PRKN: variants seen among roughly 807,000 people sequenced by gnomAD.
The protein encoded by PRKN is E3 ubiquitin-protein ligase parkin.
PRKN carries 56 observed loss-of-function variants against 59.5 expected under a neutral mutation model. The ratio of observed to expected loss-of-function variants is 0.94; its 90% CI spans 0.76 to 1.18. The LOEUF is 1.18. PRKN is among the 50% of genes most tolerant of loss of function. The pLI is 0.00. For missense variants in PRKN, 657 were observed against 596.4 expected, an observed-to-expected ratio of 1.10 and a Z score of -1.06; for synonymous variants, 250 against 222.1, an observed-to-expected ratio of 1.13 and a Z score of -1.12.
At chr6:161,944,097 TCAGCCTGAGGAATCAGCCTGAGGGAC>T (rs1368018738) in intron 6 of PRKN, among the ~76,000 whole-genome samples, 8 of 134,860 alleles carry the variant, frequency 5.9e-5, no homozygotes, top group African/African-American at 2.2e-4. Flanking sequence ...GCCTGAGGGA[TCAGCCTGAGGAATCAGCCTGAGGGAC>T]CAGCCTGAGG....
chr6:161,427,962 A>C (rs202182273), intron 9 of PRKN, among the ~76,000 whole-genome samples: 1 of 152,236 alleles, frequency 6.6e-6, no homozygotes, highest in South Asian at 2.1e-4. Flanking sequence ...AGCACTGGAG[A>C]GAAGCTTTGG....
intron 2 of PRKN, among the ~76,000 whole-genome samples, chr6:162,285,439 A>G (rs926154782): frequency 5.9e-5 from 9 of 151,976 alleles, no homozygotes; most frequent in Non-Finnish European, 1.2e-4. Flanking sequence ...GTGTTGTATC[A>G]AAGAAATAAA....
intron 7 of PRKN, among the ~76,000 whole-genome samples, chr6:161,655,280 C>T (rs953936937): frequency 5.3e-5 from 8 of 151,468 alleles, no homozygotes; most frequent in Admixed American, 3.9e-4. Context: ...TAGCATGGGC[C>T]TGGCCCCTCA....
In PRKN at chr6:161,419,724, C is replaced by T. The variant is rs537689777; in HGVS notation, c.1084-32847G>A. 9.3e-4 allele frequency among the ~76,000 whole-genome samples: 141 copies of T among 152,042 alleles called. 2 individuals carry two copies. Among genetic ancestry groups the T allele is most frequent in the African/African-American group, 3.4e-3 (141 of 41,452 alleles). On this transcript the variant is annotated intron_variant, in intron 9 of 11. Coordinates refer to ENST00000366898, the MANE Select transcript of PRKN (RefSeq NM_004562.3). This position sits in a 1 kb window ranked among gnomAD's most constrained non-coding sequence, Gnocchi z 4.1. ...TTGTAAGGGAAATAATTAGATTCTG[C>T]TTGTGTTGAATAATTCTAGCCAGGC...
intron 2 of PRKN, among the ~76,000 whole-genome samples, chr6:162,312,597 CAG>C (rs1562661675): frequency 1.3e-5 from 2 of 152,122 alleles, no homozygotes; most frequent in African/African-American, 4.8e-5. Context: ...TGTGGGATGA[CAG>C]GGGATAACAC....
chr6:161,630,921 G>C (rs1260650162), intron 7 of PRKN, among the ~76,000 whole-genome samples: 1 of 152,246 alleles, frequency 6.6e-6, no homozygotes, highest in Non-Finnish European at 1.5e-5. Flanking sequence ...CAAAATGTTA[G>C]TCACAGATAA....
intron 7 of PRKN, among the ~76,000 whole-genome samples, chr6:161,619,066 C>G (rs921012578): frequency 9.2e-5 from 14 of 152,002 alleles, no homozygotes; most frequent in Non-Finnish European, 1.6e-4. Context: ...CCTGGCAGAG[C>G]CTGAAGTGGT....
chr6:161,778,200 G>A (rs1207812520), intron 7 of PRKN, among the ~76,000 whole-genome samples: 1 of 152,008 alleles, frequency 6.6e-6, no homozygotes, highest in African/African-American at 2.4e-5. Flanking sequence ...CCAGCAGGAG[G>A]AGTCATTCCA....
Position 161,480,557 on chromosome 6 carries a change from T to C in PRKN, c.1083+68297A>G, listed in dbSNP as rs995838441. On this transcript the variant is annotated intron_variant, in intron 9 of 11. Transcript: ENST00000366898. This position sits in a 1 kb window ranked among gnomAD's most constrained non-coding sequence, Gnocchi z 4.1. ...TAATAACACTGCGATGATGGGTCTT[T>C]TGTGCATTCCTGGTTCTGGGCTTTG... is the stretch of plus-strand genomic sequence containing the variant. Among the ~76,000 whole-genome samples the C allele has an allele frequency of 9.2e-5, 14 of 152,224 alleles. No homozygotes were observed. The highest frequency in any genetic ancestry group is 1.9e-4 in the Non-Finnish European group (13 of 68,022).
chr6:162,304,322 T>C (rs1782113985), intron 2 of PRKN, among the ~76,000 whole-genome samples: 1 of 150,862 alleles, frequency 6.6e-6, no homozygotes, highest in African/African-American at 2.4e-5. Flanking sequence ...AACTTCACTG[T>C]AGTAAACTTT....
At chr6:162,430,140 C>T (rs1490266005) in intron 2 of PRKN, among the ~76,000 whole-genome samples, 1 of 148,514 alleles carries the variant, frequency 6.7e-6, no homozygotes, top group Non-Finnish European at 1.5e-5. Flanking sequence ...GGATGCAGCA[C>T]TTTGATGATG....
chr6:161,410,810 G>T lies in PRKN; in HGVS notation c.1084-23933C>A, dbSNP rs1787503782. On this transcript the variant is annotated intron_variant, in intron 9 of 11. Coordinates refer to ENST00000366898, the MANE Select transcript of PRKN (RefSeq NM_004562.3). This position sits in a 1 kb window ranked among gnomAD's most constrained non-coding sequence, Gnocchi z 5.3. ...TTGATGGCAGCAGCCTCAGGTATGGGCAGAACGTTGAATCCTCAGAATGAT... is the reference window on the plus strand; with the variant it reads ...TTGATGGCAGCAGCCTCAGGTATGGTCAGAACGTTGAATCCTCAGAATGAT... Among the ~76,000 whole-genome samples the T allele has an allele frequency of 6.6e-6, 1 of 152,078 alleles. No homozygotes were observed. Among genetic ancestry groups the T allele is most frequent in the Non-Finnish European group, 1.5e-5 (1 of 68,016 alleles).
In PRKN at chr6:162,429,961, T is replaced by C. The variant is rs544015946; in HGVS notation, c.171+13349A>G. ...GTTTAGTCACAGCAAATAATTGTAA[T>C]TCTAAAGTAGTGCCAGACCTTTGCA... On this transcript the variant is annotated intron_variant, in intron 2 of 11. Coordinates refer to ENST00000366898, the MANE Select transcript of PRKN (RefSeq NM_004562.3). Among the ~76,000 whole-genome samples the C allele has an allele frequency of 5.3e-5, 8 of 152,316 alleles. No individual in the cohort carries two copies. In the Middle Eastern group the frequency reaches 0.01, roughly 194 times the overall value.
intron 6 of PRKN, among the ~76,000 whole-genome samples, chr6:161,874,348 A>C (rs1204357983): frequency 1.2e-5 from 1 of 81,684 alleles, no homozygotes; most frequent in African/African-American, 5.0e-5. Context: ...TATTATATAT[A>C]AAATATATAT....
intron 1 of PRKN, among the ~76,000 whole-genome samples, chr6:162,692,155 TAAAAAA>T (rs11311324): frequency 7.4e-6 from 1 of 135,058 alleles, no homozygotes; most frequent in African/African-American, 3.0e-5. Context: ...TAAAGTATAA[TAAAAAA>T]AAAAGATTAG....
chr6:161,688,381 G>T (rs1238358624), intron 7 of PRKN, among the ~76,000 whole-genome samples: 1 of 152,196 alleles, frequency 6.6e-6, no homozygotes, highest in Non-Finnish European at 1.5e-5. Flanking sequence ...CCCAAAACAT[G>T]GGGAAGAGCC....
At chr6:162,131,360 G>T (rs541873506) in intron 4 of PRKN, among the ~76,000 whole-genome samples, 1 of 152,162 alleles carries the variant, frequency 6.6e-6, no homozygotes, top group East Asian at 1.9e-4. Context: ...AATTTTAGTT[G>T]TATAATGTTC....
intron 7 of PRKN, among the ~76,000 whole-genome samples, chr6:161,638,583 T>A (rs1377955360): frequency 6.6e-6 from 1 of 152,112 alleles, no homozygotes; most frequent in African/African-American, 2.4e-5. Context: ...CCTAGTAATA[T>A]GGTTTGACTA....
At chr6:161,713,649 C>T (rs761430084) in intron 7 of PRKN, among the ~76,000 whole-genome samples, 1 of 152,130 alleles carries the variant, frequency 6.6e-6, no homozygotes, top group Non-Finnish European at 1.5e-5. Flanking sequence ...TCAACTGTTC[C>T]TTGTACGACC....
Sources: allele counts gnomAD v4.1 joint callset (sites outside exome capture counted in the v4.1 genomes callset), GRCh38; gene constraint gnomAD v4.1.1; non-coding constraint Gnocchi (gnomAD v3.1); transcripts MANE v1.5; gene names NCBI Gene and HGNC (gene_info 2026-07-23, HGNC 2026-07-21).